Variants in MAN2B2 observed in about 807,000 individuals in gnomAD.
MAN2B2 encodes epididymis-specific alpha-mannosidase.
MAN2B2 carries 106 observed loss-of-function variants against 117.1 expected under a neutral mutation model. The observed-to-expected ratio is 0.90, with a 90% CI of 0.77 to 1.06. The LOEUF (loss-of-function observed/expected upper bound fraction) is 1.06, where lower values mean the gene tolerates loss of function less well. Among genes scored for constraint, MAN2B2 ranks in the 50% least tolerant of loss-of-function variants. The pLI is 0.00. For synonymous variants in MAN2B2, 544 were observed against 595.1 expected (o/e 0.91, Z 1.25); for missense variants, 1,326 against 1,381.4 (o/e 0.96, Z 0.64).
At chr4:6,578,356 G>A (rs377452289) in intron 2 of MAN2B2, 37 bp from the exon 3 acceptor site, 71 of 1,529,866 alleles carry the variant, frequency 4.6e-5, no homozygotes, top group African/African-American at 3.4e-4. Context: ...CTCAGGAGCC[G>A]TAACTGGCTT....
intron 3 of MAN2B2, among the ~76,000 whole-genome samples, chr4:6,586,499 C>T (rs963791222): frequency 2.0e-5 from 3 of 152,212 alleles, no homozygotes; most frequent in Admixed American, 6.5e-5. Flanking sequence ...CACCCCTGCA[C>T]GTGCTGTAAC....
Position 6,605,063 on chromosome 4 carries a change from C to G in MAN2B2, c.1548C>G (p.Asn516Lys), listed in dbSNP as rs532765623. 2 of 1,611,992 alleles carry G rather than the reference C, an allele frequency of 1.2e-6. No individual in the cohort carries two copies. The highest frequency in any genetic ancestry group is 1.7e-5 in the Admixed American group (1 of 59,926). The stretch of plus-strand genomic sequence containing the variant: ...TCCTGCTGGCCTTGCAGATCCAGAA[C>G]TCAACAGAGACCCCATCTGCGTATG... ...AGHPVPSQIQNSTETPSAYDL... is the reference protein window; with the variant it reads ...AGHPVPSQIQKSTETPSAYDL... The change falls in exon 11 of 19, where the codon AAC (asparagine) becomes AAG (lysine). Residue 516 changes from asparagine to lysine, a missense_variant. Transcript: ENST00000285599.
chr4:6,620,324 T>C (rs1712109525), intron 18 of MAN2B2: 1 of 331,970 alleles, frequency 3.0e-6, no homozygotes, highest in Admixed American at 4.5e-5. Flanking sequence ...GGGTGACAGC[T>C]AGGGGCCCAG....
At chr4:6,604,011 G>A (rs1727435091) in intron 10 of MAN2B2, among the ~76,000 whole-genome samples, 1 of 152,236 alleles carries the variant, frequency 6.6e-6, no homozygotes, top group Admixed American at 6.5e-5. Context: ...CAGAGGCCAG[G>A]AGGGTTAACC....
In MAN2B2 at chr4:6,619,783, A is replaced by G. The variant is rs1239386313; in HGVS notation, c.2815-144A>G. 8.8e-6 allele frequency: 6 copies of G among 681,944 alleles called. No individual in the cohort carries two copies. In the African/African-American group the frequency reaches 1.1e-4, roughly 12 times the overall value. The allele number at this position is 681,944 out of a possible 1,614,324, so 42.2% of individuals were successfully genotyped here. A position where few individuals can be genotyped will look rare whatever the true frequency, so the allele number is the denominator to read the frequency against. On this transcript the variant is annotated intron_variant, in intron 17 of 18. Coordinates refer to ENST00000285599, the MANE Select transcript of MAN2B2 (RefSeq NM_015274.3). ...GCAGATGTGCTGTGAGAAGCAGATG[A>G]GGGAGCTGTGTCAGGCACCAGGGGA...
intron 7 of MAN2B2, among the ~76,000 whole-genome samples, chr4:6,595,951 G>A (rs1251770595): frequency 6.6e-6 from 1 of 152,228 alleles, no homozygotes; most frequent in Non-Finnish European, 1.5e-5. Context: ...TGCACACACG[G>A]GTTGGGGGAT....
intron 3 of MAN2B2, among the ~76,000 whole-genome samples, chr4:6,579,087 T>C (rs796541149): frequency 0.023 from 656 of 29,092 alleles, 5 homozygotes; most frequent in Middle Eastern, 0.065. Flanking sequence ...ACCACCACCA[T>C]CACCATCACC....
chr4:6,587,344 G>A (rs58361939), intron 4 of MAN2B2, among the ~76,000 whole-genome samples, 176 bp downstream of exon 4: 3,231 of 152,118 alleles, frequency 0.021, 114 homozygotes, highest in African/African-American at 0.074. Context: ...CCACCAGGAG[G>A]GCCCCCCTCC....
At chr4:6,605,007 A>C (rs190699381) in intron 10 of MAN2B2, 48 bp from the exon 11 acceptor site, 1 of 1,579,666 alleles carries the variant, frequency 6.3e-7, no homozygotes, top group Non-Finnish European at 8.6e-7. Flanking sequence ...CCATTCCAGA[A>C]AGTGTGAGAG....
At chr4:6,607,621 C>T (rs1258929220) in intron 11 of MAN2B2, among the ~76,000 whole-genome samples, 2 of 152,202 alleles carry the variant, frequency 1.3e-5, no homozygotes, top group Non-Finnish European at 2.9e-5. Context: ...TTTTGTTTAT[C>T]CATTCTTTAG....
chr4:6,593,765 C>A (rs1726956715), intron 6 of MAN2B2, among the ~76,000 whole-genome samples: 1 of 152,232 alleles, frequency 6.6e-6, no homozygotes, highest in African/African-American at 2.4e-5. Flanking sequence ...TCACAGCTAA[C>A]CTTTAGTGAG....
intron 15 of MAN2B2, among the ~76,000 whole-genome samples, chr4:6,611,836 G>C (rs1026368302): frequency 3.9e-5 from 6 of 152,200 alleles, no homozygotes; most frequent in Non-Finnish European, 8.8e-5. Context: ...ATCTAGGTGT[G>C]CTGTCACCAG....
Position 6,621,365 on chromosome 4 carries a change from G to T in MAN2B2, c.*80G>T. 1 of 1,195,260 alleles carries T rather than the reference G, an allele frequency of 8.4e-7. No homozygotes were observed. The highest frequency in any genetic ancestry group is 1.2e-6 in the Non-Finnish European group (1 of 829,698). 74.0% of individuals were successfully genotyped at this position (1,195,260 alleles called of 1,614,324 possible). On this transcript the variant is annotated 3_prime_UTR_variant, in exon 19 of 19. Coordinates refer to ENST00000285599, the MANE Select transcript of MAN2B2 (RefSeq NM_015274.3). Reference sequence around the variant, plus strand: ...AACAGACCCAGGACAGGGAAAAGCAGTGCGGAGGGATGGGACTGGGGAGTC... The same window carrying T: ...AACAGACCCAGGACAGGGAAAAGCATTGCGGAGGGATGGGACTGGGGAGTC...
intron 17 of MAN2B2, 192 bp from the exon 18 acceptor site, chr4:6,619,735 A>G (rs1712069461): frequency 1.7e-6 from 1 of 594,146 alleles, no homozygotes; most frequent in Non-Finnish European, 3.0e-6. Context: ...TCATCTGTAA[A>G]GTACACGGCC....
intron 16 of MAN2B2, 45 bp from the exon 17 acceptor site, chr4:6,617,331 GGGTT>G (rs754805679): frequency 1.1e-5 from 16 of 1,424,826 alleles, no homozygotes; most frequent in Non-Finnish European, 1.4e-5. Context: ...AGGGACATTG[GGGTT>G]GGTTGATGAG....
At chr4:6,600,923 A>G (rs902874355) in intron 10 of MAN2B2, among the ~76,000 whole-genome samples, 167 bp downstream of exon 10, 2 of 152,000 alleles carry the variant, frequency 1.3e-5, no homozygotes, top group Non-Finnish European at 2.9e-5. Context: ...TCCCAACACC[A>G]CCCAATTCTC....
At position 6,609,316 on chromosome 4, in the gene MAN2B2, AC is replaced by A. The variant is rs748833332; in HGVS notation, c.2006+23del. The A allele has an allele frequency of 1.1e-5, 18 of 1,608,598 alleles. No individual in the cohort carries two copies. The East Asian group carries it at 2.9e-4, about 26-fold the overall frequency. ...TTCTACAGGTGCTTCCCCTGGGGTG[AC>A]CCCCACAGCCCGGCACACAGTCAGC... is the stretch of plus-strand genomic sequence containing the variant. On this transcript the variant is annotated intron_variant, in intron 12 of 18. Transcript: ENST00000285599.
In MAN2B2 at chr4:6,609,199, T is replaced by G; in HGVS notation, c.1907T>G (p.Leu636Arg). The G allele has an allele frequency of 1.2e-6, 2 of 1,614,208 alleles. No homozygotes were observed. The highest frequency in any genetic ancestry group is 1.7e-6 in the Non-Finnish European group (2 of 1,180,034). ...CAGGGCCCCATTTCCGATAACTACC[T>G]GTTCACACCGGGCAAGGCCGCGGTG... ...VKQGPISDNY[L>R]FTPGKAAVPA... Residue 636 changes from leucine (L) to arginine (R), a missense_variant, in exon 12 of 19, where the codon CTG becomes CGG. Coordinates refer to ENST00000285599, the MANE Select transcript of MAN2B2 (RefSeq NM_015274.3).
At chr4:6,581,512 G>C (rs777511731) in intron 3 of MAN2B2, among the ~76,000 whole-genome samples, 2 of 152,104 alleles carry the variant, frequency 1.3e-5, no homozygotes, top group Non-Finnish European at 2.9e-5. Context: ...ACCCATCTCA[G>C]ATGTCCCAGG....
Sources: gnomAD v4.1 joint callset for allele counts (sites outside exome capture counted in the v4.1 genomes callset) on GRCh38, gnomAD v4.1.1 for gene constraint, MANE v1.5 for transcripts, NCBI Gene and HGNC (gene_info 2026-07-23, HGNC 2026-07-21) for gene names.